The following RANBP17 variants were observed in gnomAD, a reference collection of about 807,000 sequenced individuals.
RANBP17 encodes ran-binding protein 17.
Under a neutral mutation model 141.2 loss-of-function variants are expected in RANBP17, and 158 were observed. That is an observed-to-expected ratio of 1.12 (90% confidence interval 0.98 to 1.28). The LOEUF is 1.28. Ranked by LOEUF, RANBP17 falls within the 50% of genes most tolerant of loss-of-function variation. The pLI is 0.00. For synonymous variants in RANBP17, 430 were observed against 450.0 expected (o/e 0.96, Z 0.56); for missense variants, 1,438 against 1,290.7 (o/e 1.11, Z -1.75).
intron 14 of RANBP17, among the ~76,000 whole-genome samples, chr5:171,063,499 C>G (rs1016320045): frequency 6.6e-6 from 1 of 152,198 alleles, no homozygotes; most frequent in African/African-American, 2.4e-5. Flanking sequence ...GCGAATGCTG[C>G]TGTCTGATCG....
chr5:171,006,269 A>G (rs1779597259), intron 14 of RANBP17, among the ~76,000 whole-genome samples: 1 of 152,162 alleles, frequency 6.6e-6, no homozygotes, highest in Non-Finnish European at 1.5e-5. Flanking sequence ...GAATTATAAA[A>G]CATGCTGCTA....
Position 170,944,759 on chromosome 5 carries a change from GT to G in RANBP17, c.1469-8837del, listed in dbSNP as rs141394674. 5.7e-3 allele frequency among the ~76,000 whole-genome samples: 873 copies of G among 152,256 alleles called. 7 individuals carry two copies. The highest frequency in any genetic ancestry group is 1.0e-2 in the Non-Finnish European group (679 of 68,018). On this transcript the variant is annotated intron_variant, in intron 12 of 27. Transcript: ENST00000523189. ...AGTAAACTTCCTTTCAAAATTTACTGTAATTTTAGAAGAAAATGCTCATAAT... is the reference window on the plus strand; with the variant it reads ...AGTAAACTTCCTTTCAAAATTTACTGAATTTTAGAAGAAAATGCTCATAAT...
At chr5:171,058,080 G>A (rs1334076568) in intron 14 of RANBP17, among the ~76,000 whole-genome samples, 1 of 151,502 alleles carries the variant, frequency 6.6e-6, no homozygotes, top group Admixed American at 6.6e-5. Flanking sequence ...TCCTTCATAG[G>A]GATTATGACA....
In RANBP17 at chr5:171,173,930, C is replaced by A. The variant is rs529582690; in HGVS notation, c.1865+2644C>A. ...AAGTCTGGTACTTCCCTCACAGACA[C>A]TTTTTCATAGGACTTCATAAAACTC... On this transcript the variant is annotated intron_variant, in intron 16 of 27. Transcript: ENST00000523189. 2.4e-4 allele frequency among the ~76,000 whole-genome samples: 37 copies of A among 152,200 alleles called. 1 individual carries two copies. The South Asian group carries it at 7.0e-3, about 29-fold the overall frequency.
At chr5:171,010,490 A>G (rs1779960737) in intron 14 of RANBP17, among the ~76,000 whole-genome samples, 1 of 152,198 alleles carries the variant, frequency 6.6e-6, no homozygotes, top group Admixed American at 6.5e-5. Flanking sequence ...TACAATACAG[A>G]GTTCCAAGAT....
At chr5:171,124,626 T>G (rs1303495082) in intron 14 of RANBP17, among the ~76,000 whole-genome samples, 1 of 151,884 alleles carries the variant, frequency 6.6e-6, no homozygotes. Context: ...AACAAAAGTG[T>G]TCAGTTAACA....
At chr5:171,044,805 A>C (rs1782465306) in intron 14 of RANBP17, among the ~76,000 whole-genome samples, 1 of 152,106 alleles carries the variant, frequency 6.6e-6, no homozygotes, top group Non-Finnish European at 1.5e-5. Context: ...CAGAGGCAAT[A>C]GAAGAAATGA....
Position 171,089,290 on chromosome 5 carries a change from C to T in RANBP17, c.1711-80840C>T, listed in dbSNP as rs570998149. Reference sequence around the variant, plus strand: ...CTGCTCGGGGGTCACGGGTCAGGGACCCACTTGAGGAGGCAGTCTGCCCGT... The same window carrying T: ...CTGCTCGGGGGTCACGGGTCAGGGATCCACTTGAGGAGGCAGTCTGCCCGT... On this transcript the variant is annotated intron_variant, in intron 14 of 27. Coordinates refer to ENST00000523189, the MANE Select transcript of RANBP17 (RefSeq NM_022897.5). Among the ~76,000 whole-genome samples the T allele has an allele frequency of 1.7e-4, 18 of 103,780 alleles. 1 individual carries two copies. Among genetic ancestry groups the T allele is most frequent in the African/African-American group, 5.4e-4 (18 of 33,134 alleles). The allele number at this position is 103,780 out of a possible 152,430, so 68.1% of individuals were successfully genotyped here. A position where few individuals can be genotyped will look rare whatever the true frequency, so the allele number is the denominator to read the frequency against.
rs1178444180 is a variant in RANBP17 at position 171,270,717 on chromosome 5, T to C, written c.2943+4870T>C. 2.0e-5 allele frequency among the ~76,000 whole-genome samples: 3 copies of C among 152,264 alleles called. No individual in the cohort carries two copies. In the East Asian group the frequency reaches 5.8e-4, roughly 29 times the overall value. The stretch of plus-strand genomic sequence containing the variant: ...TGTGTTTTATAGAATTAGAGGGGCA[T>C]CTCAGAGATATGAGTAATTCCTTAT... On this transcript the variant is annotated intron_variant, in intron 25 of 27. Transcript: ENST00000523189.
At chr5:171,088,521 T>C (rs1453064004) in intron 14 of RANBP17, among the ~76,000 whole-genome samples, 5 of 152,190 alleles carry the variant, frequency 3.3e-5, no homozygotes, top group African/African-American at 1.2e-4. Context: ...CCTTGCTAGA[T>C]TGGGGAAGTT....
chr5:171,083,049 T>C (rs138264057), intron 14 of RANBP17, among the ~76,000 whole-genome samples: 241 of 152,298 alleles, frequency 1.6e-3, no homozygotes, highest in African/African-American at 4.9e-3. Context: ...CAGAATAAAG[T>C]ATTCAATTTA....
intron 27 of RANBP17, among the ~76,000 whole-genome samples, chr5:171,297,428 T>C (rs1160558299): frequency 2.0e-5 from 3 of 152,216 alleles, no homozygotes; most frequent in Admixed American, 6.5e-5. Flanking sequence ...ATAAATGTGG[T>C]AGCATTCAAA....
At chr5:170,886,921 C>G (rs1048953658) in intron 3 of RANBP17, among the ~76,000 whole-genome samples, 1 of 151,962 alleles carries the variant, frequency 6.6e-6, no homozygotes, top group Non-Finnish European at 1.5e-5. Context: ...CCTCAGCCTC[C>G]CAAAGTGCTG....
chr5:171,099,150 G>T (rs184013522), intron 14 of RANBP17, among the ~76,000 whole-genome samples: 1 of 152,296 alleles, frequency 6.6e-6, no homozygotes, highest in African/African-American at 2.4e-5. Context: ...ATTCTGTGAA[G>T]AAAGTCAATG....
intron 14 of RANBP17, among the ~76,000 whole-genome samples, chr5:171,075,290 G>A (rs1389173286): frequency 6.6e-6 from 1 of 152,154 alleles, no homozygotes; most frequent in Non-Finnish European, 1.5e-5. Flanking sequence ...AGAATTAAAT[G>A]ACATAGATTT....
Position 170,945,843 on chromosome 5 carries a change from T to C in RANBP17, c.1469-7754T>C, listed in dbSNP as rs148727606. On this transcript the variant is annotated intron_variant, in intron 12 of 27. Transcript: ENST00000523189. ...TCAAAAAAAGTGTGAAATGTCTCCT[T>C]GGTAATGATCCCCAAAGCATATGCA... Among the ~76,000 whole-genome samples the C allele has an allele frequency of 3.7e-3, 567 of 152,286 alleles. 5 individuals are homozygous for C. The highest frequency in any genetic ancestry group is 0.013 in the African/African-American group (539 of 41,576).
intron 14 of RANBP17, among the ~76,000 whole-genome samples, chr5:171,033,273 C>G (rs1432008100): frequency 3.9e-5 from 6 of 152,060 alleles, no homozygotes; most frequent in African/African-American, 1.4e-4. Flanking sequence ...GTGGTCTTCA[C>G]GCTCTTCAGT....
At chr5:171,267,423 C>T (rs1044620535) in intron 25 of RANBP17, among the ~76,000 whole-genome samples, 4 of 152,078 alleles carry the variant, frequency 2.6e-5, no homozygotes, top group Non-Finnish European at 5.9e-5. Context: ...TGCCAAATTA[C>T]ATCCATAATA....
At position 171,170,236 on chromosome 5, in the gene RANBP17, T is replaced by C; in HGVS notation, c.1784+33T>C. On this transcript the variant is annotated intron_variant, in intron 15 of 27. Transcript: ENST00000523189. ...CTTGTTTTGGTCTTTAATTTTTCTT[T>C]TGTTGTTGTTTTAAATGTAATAGAT... 3.2e-6 allele frequency: 4 copies of C among 1,254,956 alleles called. No individual in the cohort carries two copies. In the African/African-American group the frequency reaches 4.6e-5, roughly 14 times the overall value. 77.7% of individuals were successfully genotyped at this position (1,254,956 alleles called of 1,614,324 possible).
Sources: gnomAD v4.1 joint callset for allele counts (sites outside exome capture counted in the v4.1 genomes callset) on GRCh38, gnomAD v4.1.1 for gene constraint, MANE v1.5 for transcripts, NCBI Gene and HGNC (gene_info 2026-07-23, HGNC 2026-07-21) for gene names.